Variants in TRAPPC9 observed in about 807,000 individuals in gnomAD.
TRAPPC9 encodes trafficking protein particle complex subunit 9, also known as IKK2 binding protein.
A neutral mutation model predicts 124.0 loss-of-function variants in TRAPPC9; 83 were observed. The observed-to-expected ratio is 0.67, with a 90% CI of 0.56 to 0.80. The LOEUF (loss-of-function observed/expected upper bound fraction) is 0.80. Among genes scored for constraint, TRAPPC9 ranks in the 30% least tolerant of loss-of-function variants. The pLI is 0.00. For missense variants in TRAPPC9, 1,302 were observed against 1,508.3 expected (o/e 0.86, Z 2.27); for synonymous variants, 638 against 617.5 (o/e 1.03, Z -0.49).
chr8:140,054,057 G>A (rs1178759299), intron 17 of TRAPPC9, among the ~76,000 whole-genome samples: 2 of 152,276 alleles, frequency 1.3e-5, no homozygotes, highest in South Asian at 2.1e-4. Flanking sequence ...TATGCTAAGT[G>A]AATTAACACA....
chr8:140,108,773 T>A (rs530574834), intron 17 of TRAPPC9, among the ~76,000 whole-genome samples: 90 of 152,354 alleles, frequency 5.9e-4, no homozygotes, highest in African/African-American at 2.0e-3. Flanking sequence ...ACTGGCCAGA[T>A]GTTCCTCATG....
intron 21 of TRAPPC9, among the ~76,000 whole-genome samples, chr8:139,771,985 C>A (rs1298267348): frequency 6.6e-6 from 1 of 152,220 alleles, no homozygotes; most frequent in African/African-American, 2.4e-5. Context: ...TCTGAGCTCA[C>A]AGTGACAGCC....
chr8:139,816,675 G>A (rs1446920163), intron 21 of TRAPPC9, among the ~76,000 whole-genome samples: 1 of 151,994 alleles, frequency 6.6e-6, no homozygotes, highest in Non-Finnish European at 1.5e-5. Context: ...GCCTCCTACA[G>A]AGGGTCATTT....
chr8:139,877,292 A>G (rs1829380302), intron 21 of TRAPPC9, among the ~76,000 whole-genome samples: 1 of 152,242 alleles, frequency 6.6e-6, no homozygotes, highest in Non-Finnish European at 1.5e-5. Context: ...TAGCCCCATT[A>G]GTCACCATGA....
intron 2 of TRAPPC9, among the ~76,000 whole-genome samples, chr8:140,442,257 T>C (rs1249973365): frequency 2.0e-5 from 3 of 152,224 alleles, no homozygotes; most frequent in Non-Finnish European, 2.9e-5. Context: ...TAGTTTTTCA[T>C]ATGAAAGTCA....
chr8:140,297,380 T>C (rs1175172381), intron 11 of TRAPPC9, among the ~76,000 whole-genome samples: 1 of 128,654 alleles, frequency 7.8e-6, no homozygotes, highest in Non-Finnish European at 1.7e-5. Context: ...ACACACAATA[T>C]ACACATGCAT....
intron 21 of TRAPPC9, among the ~76,000 whole-genome samples, chr8:139,806,394 C>A (rs1416085649): frequency 6.6e-6 from 1 of 152,198 alleles, no homozygotes; most frequent in Non-Finnish European, 1.5e-5. Flanking sequence ...TGTCACTGTC[C>A]TTGGTGGACT....
At chr8:140,105,231 T>G (rs1415265032) in intron 17 of TRAPPC9, among the ~76,000 whole-genome samples, 1 of 152,264 alleles carries the variant, frequency 6.6e-6, no homozygotes. Flanking sequence ...AAATGGCGAC[T>G]GTGCTCAAAT....
At chr8:140,326,618 G>A (rs368909505) in intron 9 of TRAPPC9, among the ~76,000 whole-genome samples, 5 of 152,322 alleles carry the variant, frequency 3.3e-5, no homozygotes, top group African/African-American at 1.2e-4. Context: ...GCTCACGCCT[G>A]TAATCCCTGC....
intron 17 of TRAPPC9, among the ~76,000 whole-genome samples, chr8:140,055,340 A>C (rs369116308): frequency 2.6e-5 from 4 of 152,284 alleles, no homozygotes; most frequent in African/African-American, 9.6e-5. Flanking sequence ...AAAAACTCTC[A>C]ACGAGCCAGG....
chr8:140,285,588 T>C (rs1383062042), intron 13 of TRAPPC9, among the ~76,000 whole-genome samples: 1 of 152,078 alleles, frequency 6.6e-6, no homozygotes, highest in Non-Finnish European at 1.5e-5. Flanking sequence ...GCCTGTCTCA[T>C]CTCTGCCACC....
Position 140,081,577 on chromosome 8 carries a change from C to T in TRAPPC9, c.2557-57498G>A, listed in dbSNP as rs189669682. 2.5e-3 allele frequency among the ~76,000 whole-genome samples: 385 copies of T among 152,202 alleles called. 2 individuals are homozygous for T. Among genetic ancestry groups the T allele is most frequent in the African/African-American group, 8.6e-3 (359 of 41,522 alleles). ...ACCAGGGTGGTCTCAAACTCCTGAC[C>T]TCAGGTGATCCGCCCACCTCAGCCT... On this transcript the variant is annotated intron_variant, in intron 17 of 22. Coordinates refer to ENST00000438773, the MANE Select transcript of TRAPPC9 (RefSeq NM_001160372.4).
At chr8:140,454,168 A>C (rs911677965) in intron 1 of TRAPPC9, among the ~76,000 whole-genome samples, 1 of 152,140 alleles carries the variant, frequency 6.6e-6, no homozygotes. Context: ...ACACACCCGC[A>C]GTCCCAGCTA....
chr8:140,451,327 AG>A lies in TRAPPC9; in HGVS notation c.46del (p.Leu16CysfsTer26). On this transcript the variant is annotated frameshift_variant, in exon 2 of 23. Coordinates refer to ENST00000438773, the MANE Select transcript of TRAPPC9 (RefSeq NM_001160372.4). LOFTEE classifies it high-confidence loss of function. The part of the protein sequence containing the change: ...YMQCAEDHQT[L>X]LVVVQPVGIV... ...GCCCACAGGCTGGACCACCACGAGC[AG>A]CGTCTGGTGGTCCTCAGCACACTGC... The A allele has an allele frequency of 6.2e-7, 1 of 1,607,060 alleles. No homozygotes were observed. The highest frequency in any genetic ancestry group is 8.5e-7 in the Non-Finnish European group (1 of 1,180,000).
intron 21 of TRAPPC9, among the ~76,000 whole-genome samples, chr8:139,799,673 C>T (rs569115048): frequency 9.8e-5 from 15 of 152,322 alleles, no homozygotes; most frequent in South Asian, 8.3e-4. Flanking sequence ...ACACTCAGTC[C>T]GTGGGCAAGG....
chr8:140,393,032 T>TTTTATTTTATTTTATTTTATTTTA lies in TRAPPC9; in HGVS notation c.1134+4587_1134+4588insTAAAATAAAATAAAATAAAATAAA, dbSNP rs1554679810. On this transcript the variant is annotated intron_variant, in intron 7 of 22. Transcript: ENST00000438773. ...AGTGAATATTATCATTCCCATTTTA[T>TTTTATTTTATTTTATTTTATTTTA]TTTTATTTTATTTTATTTTATTTTA... is the stretch of plus-strand genomic sequence containing the variant. Among the ~76,000 whole-genome samples, 167 of 138,096 alleles carry TTTTATTTTATTTTATTTTATTTTA rather than the reference T, an allele frequency of 1.2e-3. 1 individual carries two copies. Among genetic ancestry groups the TTTTATTTTATTTTATTTTATTTTA allele is most frequent in the Non-Finnish European group, 1.5e-3 (94 of 64,210 alleles). 90.6% of individuals were successfully genotyped at this position (138,096 alleles called of 152,430 possible).
intron 17 of TRAPPC9, among the ~76,000 whole-genome samples, chr8:140,064,817 T>C (rs1017829969): frequency 3.9e-5 from 6 of 152,186 alleles, no homozygotes; most frequent in African/African-American, 1.4e-4. Context: ...TACAGTATTA[T>C]GGCCTGGATG....
intron 2 of TRAPPC9, among the ~76,000 whole-genome samples, chr8:140,443,262 C>T (rs112672175): frequency 0.076 from 11,411 of 149,750 alleles, 597 homozygotes; most frequent in Middle Eastern, 0.15. Context: ...GATGAAACCC[C>T]GTCTCTACTA....
rs534597364 is a variant in TRAPPC9 at position 139,778,256 on chromosome 8, A to G, written c.3056-46054T>C. On this transcript the variant is annotated intron_variant, in intron 21 of 22. Coordinates refer to ENST00000438773, the MANE Select transcript of TRAPPC9 (RefSeq NM_001160372.4). The stretch of plus-strand genomic sequence containing the variant: ...AGTGGGGAATAATTAGTCCTAGACT[A>G]AACACTGCTCTGTTCCTGCCTAAAA... 7.3e-4 allele frequency among the ~76,000 whole-genome samples: 111 copies of G among 152,324 alleles called. 3 individuals are homozygous for G. The Middle Eastern group carries it at 0.031, about 42-fold the overall frequency.
Sources: gnomAD v4.1 joint callset for allele counts (sites outside exome capture counted in the v4.1 genomes callset) on GRCh38, gnomAD v4.1.1 for gene constraint, MANE v1.5 for transcripts, NCBI Gene and HGNC (gene_info 2026-07-23, HGNC 2026-07-21) for gene names.